Variants in RANBP17 observed in about 807,000 individuals in gnomAD.
RANBP17 encodes RAN binding protein 17, also known as ran-binding protein 17.
A neutral mutation model predicts 141.2 loss-of-function variants in RANBP17; 158 were observed. The observed-to-expected ratio is 1.12, with a 90% CI of 0.98 to 1.28. The LOEUF (loss-of-function observed/expected upper bound fraction) is 1.28, where lower values mean the gene tolerates loss of function less well. RANBP17 is among the 50% of genes most tolerant of loss of function. The pLI, the probability that RANBP17 is intolerant of heterozygous loss-of-function variation, is 0.00. For missense variants in RANBP17, 1,438 were observed against 1,290.7 expected (o/e 1.11, Z -1.75); for synonymous variants, 430 against 450.0 (o/e 0.96, Z 0.56).
intron 14 of RANBP17, among the ~76,000 whole-genome samples, chr5:171,092,400 G>A (rs1786363005): frequency 6.6e-6 from 1 of 152,186 alleles, no homozygotes; most frequent in South Asian, 2.1e-4. Flanking sequence ...CAGTTTGTGA[G>A]TGACGCTCTG....
intron 14 of RANBP17, among the ~76,000 whole-genome samples, chr5:171,047,722 G>A (rs962005535): frequency 2.0e-5 from 3 of 152,014 alleles, no homozygotes; most frequent in Non-Finnish European, 2.9e-5. Context: ...TTTTAAGTTA[G>A]CTCATTTGTT....
intron 25 of RANBP17, chr5:171,271,313 C>T (rs1767105656): frequency 4.7e-6 from 1 of 213,054 alleles, no homozygotes; most frequent in Non-Finnish European, 9.5e-6. Flanking sequence ...AAATCATCTG[C>T]TCTTTTTTCA....
At chr5:171,287,673 C>T (rs1290034698) in intron 25 of RANBP17, among the ~76,000 whole-genome samples, 2 of 150,990 alleles carry the variant, frequency 1.3e-5, no homozygotes, top group African/African-American at 4.9e-5. Context: ...TTTGGTCTGT[C>T]TTTTTGGTCT....
rs944270560 is a variant in RANBP17 at position 170,924,491 on chromosome 5, A to G, written c.1409A>G (p.Asn470Ser). 6.2e-7 allele frequency: 1 copy of G among 1,613,012 alleles called. No individual in the cohort carries two copies. Among genetic ancestry groups the G allele is most frequent in the Admixed American group, 1.7e-5 (1 of 60,018 alleles). Residue 470 changes from asparagine to serine, a missense_variant, in exon 12 of 28, where the codon AAT becomes AGT. Physicochemically the swap from Asn to Ser is conservative, Grantham distance 46. Coordinates refer to ENST00000523189, the MANE Select transcript of RANBP17 (RefSeq NM_022897.5). ...LVQLFDQNAQ[N>S]YQKLLHPYSG... ...CAGTTATTCGACCAAAATGCACAGAATTACCAAAAACTTCTGCATCCATAT... is the reference window on the plus strand; with the variant it reads ...CAGTTATTCGACCAAAATGCACAGAGTTACCAAAAACTTCTGCATCCATAT...
chr5:171,052,719 T>A (rs1012953943), intron 14 of RANBP17, among the ~76,000 whole-genome samples: 6 of 152,204 alleles, frequency 3.9e-5, no homozygotes, highest in African/African-American at 4.8e-5. Flanking sequence ...CAATTGCAAA[T>A]GAATTTGAAC....
At chr5:171,211,859 TG>T (rs1762916722) in intron 20 of RANBP17, among the ~76,000 whole-genome samples, 1 of 152,212 alleles carries the variant, frequency 6.6e-6, no homozygotes, top group Non-Finnish European at 1.5e-5. Context: ...TCATGTGAAC[TG>T]TTTTCTAAAG....
intron 13 of RANBP17, among the ~76,000 whole-genome samples, chr5:170,956,291 T>TTC (rs1442122897): frequency 1.3e-5 from 2 of 152,092 alleles, no homozygotes; most frequent in East Asian, 3.8e-4. Flanking sequence ...ACTTGTGATA[T>TTC]TCTCCTTCAT....
intron 22 of RANBP17, among the ~76,000 whole-genome samples, chr5:171,226,658 G>C (rs755284983): frequency 6.6e-6 from 1 of 152,126 alleles, no homozygotes; most frequent in African/African-American, 2.4e-5. Flanking sequence ...TGCCACAGCA[G>C]CCCTCCAGAA....
chr5:170,928,975 T>C (rs1773135262), intron 12 of RANBP17, among the ~76,000 whole-genome samples: 1 of 152,100 alleles, frequency 6.6e-6, no homozygotes, highest in Non-Finnish European at 1.5e-5. Context: ...TTTTATTGTT[T>C]TCAGTGTACA....
At chr5:171,209,771 A>G (rs563504241) in intron 20 of RANBP17, among the ~76,000 whole-genome samples, 1 of 152,354 alleles carries the variant, frequency 6.6e-6, no homozygotes, top group East Asian at 1.9e-4. Context: ...AAAGGCTTCC[A>G]GCAGCAGTCC....
rs149823158 is a variant in RANBP17 at position 170,892,685 on chromosome 5, C to A, written c.423+132C>A. 7.5e-4 allele frequency: 499 copies of A among 662,542 alleles called. 3 individuals carry two copies. In the African/African-American group the frequency reaches 8.4e-3, roughly 11 times the overall value. 41.0% of individuals were successfully genotyped at this position (662,542 alleles called of 1,614,324 possible). ...TGTTAATTATGATTTATTATTTATC[C>A]TCTGGATCCTTTATCATTTATTGTT... is the stretch of plus-strand genomic sequence containing the variant. On this transcript the variant is annotated intron_variant, in intron 4 of 27. Transcript: ENST00000523189.
At chr5:171,118,190 A>G (rs1755778180) in intron 14 of RANBP17, among the ~76,000 whole-genome samples, 1 of 152,134 alleles carries the variant, frequency 6.6e-6, no homozygotes, top group African/African-American at 2.4e-5. Context: ...TTGGAGGTCT[A>G]GTTTCGTACT....
intron 18 of RANBP17, among the ~76,000 whole-genome samples, chr5:171,186,997 T>C (rs1441275775): frequency 6.6e-6 from 1 of 152,192 alleles, no homozygotes; most frequent in Non-Finnish European, 1.5e-5. Context: ...TTTTGACATG[T>C]CTTTCTCACT....
At chr5:171,103,848 C>T (rs920479593) in intron 14 of RANBP17, among the ~76,000 whole-genome samples, 3 of 152,174 alleles carry the variant, frequency 2.0e-5, no homozygotes, top group African/African-American at 4.8e-5. Context: ...CTTGGCTAGG[C>T]GACGGAGGTC....
At chr5:171,022,263 T>C (rs1780914083) in intron 14 of RANBP17, among the ~76,000 whole-genome samples, 1 of 152,334 alleles carries the variant, frequency 6.6e-6, no homozygotes, top group Non-Finnish European at 1.5e-5. Context: ...TTGGAGGGAC[T>C]CACCCAGTTG....
At chr5:171,059,000 G>A (rs1783609997) in intron 14 of RANBP17, among the ~76,000 whole-genome samples, 1 of 151,452 alleles carries the variant, frequency 6.6e-6, no homozygotes, top group Non-Finnish European at 1.5e-5. Context: ...CCCACTTTTT[G>A]ATGGAGTTGT....
intron 25 of RANBP17, 141 bp from the exon 26 acceptor site, chr5:171,293,742 A>G: frequency 1.5e-6 from 1 of 654,524 alleles, no homozygotes. Flanking sequence ...ATAAGCTTCC[A>G]GAGTCTAGTC....
rs147793850 is a variant in RANBP17 at position 171,106,106 on chromosome 5, GAATAGATCCATTGTGA to G, written c.1711-64019_1711-64004del. Among the ~76,000 whole-genome samples, 306 of 152,286 alleles carry G rather than the reference GAATAGATCCATTGTGA, an allele frequency of 2.0e-3. 6 individuals are homozygous for G. The East Asian group carries it at 0.037, about 19-fold the overall frequency. On this transcript the variant is annotated intron_variant, in intron 14 of 27. Coordinates refer to ENST00000523189, the MANE Select transcript of RANBP17 (RefSeq NM_022897.5). Reference sequence around the variant, plus strand: ...ATTCATAAATTGGGTGACCATGGTGGAATAGATCCATTGTGAAATAACCACTACGTTTAAGAATCCT... The same window carrying G: ...ATTCATAAATTGGGTGACCATGGTGGAATAACCACTACGTTTAAGAATCCT...
chr5:170,864,057 A>G (rs1312426882), intron 1 of RANBP17, among the ~76,000 whole-genome samples: 2 of 152,230 alleles, frequency 1.3e-5, no homozygotes, highest in Non-Finnish European at 2.9e-5. Context: ...TTGAGTTTTC[A>G]TATCCTCATT....
Sources: allele counts gnomAD v4.1 joint callset (sites outside exome capture counted in the v4.1 genomes callset), GRCh38; gene constraint gnomAD v4.1.1; transcripts MANE v1.5; gene names NCBI Gene and HGNC (gene_info 2026-07-23, HGNC 2026-07-21).